MYOF: variants seen among roughly 807,000 people sequenced by gnomAD.
The protein encoded by MYOF is fer-1-like 3, myoferlin.
In MYOF, 244 loss-of-function variants were observed where a neutral mutation model predicts 284.2. That is an observed-to-expected ratio of 0.86 (90% CI 0.77 to 0.95). MYOF has a LOEUF of 0.95. MYOF is among the 40% of genes least tolerant of loss of function. The pLI, the probability that MYOF is intolerant of heterozygous loss-of-function variation, is 0.00. For missense variants in MYOF, 2,496 were observed against 2,560.6 expected, an observed-to-expected ratio of 0.97 and a Z score of 0.54; for synonymous variants, 904 against 919.7, an observed-to-expected ratio of 0.98 and a Z score of 0.31.
At chr10:93,366,364 CT>C (rs1845326487) in intron 26 of MYOF, 27 bp downstream of exon 26, 1 of 1,603,490 alleles carries the variant, frequency 6.2e-7, no homozygotes, top group Non-Finnish European at 8.5e-7. Flanking sequence ...CATTGCTATC[CT>C]TTTTACTCAG....
intron 3 of MYOF, among the ~76,000 whole-genome samples, chr10:93,440,553 T>A (rs991755683): frequency 6.6e-6 from 1 of 152,208 alleles, no homozygotes; most frequent in Non-Finnish European, 1.5e-5. Flanking sequence ...ATGTCATATG[T>A]GTATTTATCT....
chr10:93,409,550 G>C, intron 6 of MYOF, 23 bp downstream of exon 6: 1 of 1,606,714 alleles, frequency 6.2e-7, no homozygotes, highest in Non-Finnish European at 8.5e-7. Flanking sequence ...AAACAAAGAA[G>C]CAGAACGCCA....
chr10:93,306,759 A>G lies in MYOF; in HGVS notation c.*204T>C. 1.8e-6 allele frequency: 1 copy of G among 558,336 alleles called. No individual in the cohort carries two copies. Among genetic ancestry groups the G allele is most frequent in the Non-Finnish European group, 3.2e-6 (1 of 315,930 alleles). The allele number at this position is 558,336 out of a possible 1,614,324, so 34.6% of individuals were successfully genotyped here. A position where few individuals can be genotyped will look rare whatever the true frequency, so the allele number is the denominator to read the frequency against. ...AACTTTAGAAAATAAAACTTTTAAT[A>G]CTTAAGAGATAACATGATGCAAACG... On this transcript the variant is annotated 3_prime_UTR_variant, in exon 54 of 54. Transcript: ENST00000359263.
intron 1 of MYOF, among the ~76,000 whole-genome samples, chr10:93,457,160 A>T: frequency 6.6e-6 from 1 of 152,262 alleles, no homozygotes; most frequent in East Asian, 1.9e-4. Context: ...GAGTTAAGGG[A>T]TGTGATGTTC....
intron 42 of MYOF, among the ~76,000 whole-genome samples, chr10:93,333,524 G>A (rs958065804): frequency 6.6e-6 from 1 of 151,894 alleles, no homozygotes; most frequent in African/African-American, 2.4e-5. Flanking sequence ...GGGGGCGGGG[G>A]GGAGTCCTGG....
chr10:93,412,472 T>C (rs1398145468), intron 5 of MYOF, among the ~76,000 whole-genome samples: 1 of 152,140 alleles, frequency 6.6e-6, no homozygotes, highest in Non-Finnish European at 1.5e-5. Context: ...GGTAAGTTCC[T>C]CTCCTTCTTA....
At chr10:93,468,906 G>GA (rs1271141893) in intron 1 of MYOF, among the ~76,000 whole-genome samples, 1 of 152,164 alleles carries the variant, frequency 6.6e-6, no homozygotes, top group African/African-American at 2.4e-5. Flanking sequence ...CAAGCACAAA[G>GA]AAAACCAACC....
chr10:93,372,396 TGGA>T (rs1462773304), intron 24 of MYOF, among the ~76,000 whole-genome samples: 2 of 152,218 alleles, frequency 1.3e-5, no homozygotes, highest in Non-Finnish European at 1.5e-5. Flanking sequence ...TGCATTTCCC[TGGA>T]GGAGAAGGCC....
At chr10:93,321,957 G>C (rs191363327) in intron 48 of MYOF, among the ~76,000 whole-genome samples, 64 of 150,950 alleles carry the variant, frequency 4.2e-4, no homozygotes, top group African/African-American at 1.4e-3. Context: ...GATTAGAGGA[G>C]TTTTCTCTCC....
At position 93,336,886 on chromosome 10, in the gene MYOF, G is replaced by A. The variant is rs537123000; in HGVS notation, c.4438-840C>T. On this transcript the variant is annotated intron_variant, in intron 40 of 53. Coordinates refer to ENST00000359263, the MANE Select transcript of MYOF (RefSeq NM_013451.4). ...AAGGAAAGAAAGGAAGGAAAGAGAA[G>A]AAAGGAAGGAAAGAGAAGAAAGGAA... Among the ~76,000 whole-genome samples, 157 of 147,044 alleles carry A rather than the reference G, an allele frequency of 1.1e-3. No homozygotes were observed. In the Middle Eastern group the frequency reaches 0.024, roughly 23 times the overall value.
intron 41 of MYOF, among the ~76,000 whole-genome samples, chr10:93,334,401 T>C (rs538324778): frequency 6.6e-6 from 1 of 151,860 alleles, no homozygotes; most frequent in African/African-American, 2.4e-5. Context: ...CTGGGCTTGG[T>C]ATGTCCTCTG....
chr10:93,431,492 G>A lies in MYOF; in HGVS notation c.261C>T (p.Ala87=), dbSNP rs1422341993. The change falls in exon 4 of 54, where the codon GCC becomes GCT. Residue 87 remains alanine (A), a synonymous_variant. Coordinates refer to ENST00000359263, the MANE Select transcript of MYOF (RefSeq NM_013451.4). The part of the protein sequence containing the change: ...QNKLIGTATV[A]LKDLTGDQSR... The stretch of plus-strand genomic sequence containing the variant: ...TCTGGTCACCAGTCAGGTCCTTCAG[G>A]GCTACAGTCGCCGTGCCAATTAATC... 2 of 1,613,898 alleles carry A rather than the reference G, an allele frequency of 1.2e-6. No homozygotes were observed. Among genetic ancestry groups the A allele is most frequent in the South Asian group, 2.2e-5 (2 of 91,078 alleles).
At chr10:93,370,994 A>T (rs894646534) in intron 24 of MYOF, among the ~76,000 whole-genome samples, 5 of 152,214 alleles carry the variant, frequency 3.3e-5, no homozygotes, top group Non-Finnish European at 7.3e-5. Context: ...AATCTGTAAC[A>T]ATAAGTTTGA....
At position 93,363,944 on chromosome 10, in the gene MYOF, C is replaced by T. The variant is rs757433616; in HGVS notation, c.2868+17G>A. 5.0e-5 allele frequency: 81 copies of T among 1,610,806 alleles called. 1 individual carries two copies. The South Asian group carries it at 6.8e-4, about 14-fold the overall frequency. ...GAGGTGACAGGTGAGAGTTTCTCTC[C>T]GGAGCAGGCCACTCACCGCATCCGT... On this transcript the variant is annotated intron_variant, in intron 27 of 53. Transcript: ENST00000359263.
In MYOF at chr10:93,405,794, ATTTTTTTT is replaced by A. The variant is rs3866906; in HGVS notation, c.730-1583_730-1576del. ...GTTAAAAAGATATATACAGGCTAGGATTTTTTTTTTTTTTTTTTTTTTTGACGGAGTCT... is the reference window on the plus strand; with the variant it reads ...GTTAAAAAGATATATACAGGCTAGGATTTTTTTTTTTTTTTGACGGAGTCT... On this transcript the variant is annotated intron_variant, in intron 7 of 53. Transcript: ENST00000359263. Among the ~76,000 whole-genome samples, 681 of 113,798 alleles carry A rather than the reference ATTTTTTTT, an allele frequency of 6.0e-3. 7 individuals are homozygous for A. Among genetic ancestry groups the A allele is most frequent in the African/African-American group, 0.019 (650 of 34,310 alleles). The allele number at this position is 113,798 out of a possible 152,430, so 74.7% of individuals were successfully genotyped here.
In MYOF at chr10:93,428,786, C is replaced by T. The variant is rs12572870; in HGVS notation, c.345+2622G>A. ...ATAAGAGCAGCATCTCATGGCTGAA[C>T]GCAGGGAGCACTGAAGGGCTTAGTT... On this transcript the variant is annotated intron_variant, in intron 4 of 53. Coordinates refer to ENST00000359263, the MANE Select transcript of MYOF (RefSeq NM_013451.4). Among the ~76,000 whole-genome samples the T allele has an allele frequency of 2.8e-3, 421 of 152,238 alleles. 14 individuals are homozygous for T. The East Asian group carries it at 0.062, about 22-fold the overall frequency.
intron 1 of MYOF, among the ~76,000 whole-genome samples, chr10:93,466,104 G>A (rs975157597): frequency 6.6e-6 from 1 of 152,120 alleles, no homozygotes; most frequent in African/African-American, 2.4e-5. Context: ...TTCTGAGAAG[G>A]GCTGGCAGAA....
chr10:93,320,862 T>C (rs1842815639), intron 48 of MYOF, among the ~76,000 whole-genome samples: 1 of 152,130 alleles, frequency 6.6e-6, no homozygotes, highest in Non-Finnish European at 1.5e-5. Flanking sequence ...AAAATATTGA[T>C]GCCTGGACCC....
At chr10:93,347,863 C>A in intron 36 of MYOF, 81 bp from the exon 37 acceptor site, 1 of 1,386,842 alleles carries the variant, frequency 7.2e-7, no homozygotes, top group Non-Finnish European at 9.9e-7. Context: ...TGGACCAGTC[C>A]AGATTCTCTC....
Sources: gnomAD v4.1 joint callset for allele counts (sites outside exome capture counted in the v4.1 genomes callset) on GRCh38, gnomAD v4.1.1 for gene constraint, MANE v1.5 for transcripts, NCBI Gene and HGNC (gene_info 2026-07-23, HGNC 2026-07-21) for gene names.